The following AASS variants were observed in gnomAD, a reference collection of about 807,000 sequenced individuals.
AASS encodes the protein alpha-aminoadipic semialdehyde synthase, mitochondrial.
A neutral mutation model predicts 105.4 loss-of-function variants in AASS; 86 were observed. The ratio of observed to expected loss-of-function variants is 0.82; its 90% CI spans 0.69 to 0.98. The LOEUF is 0.98. Ranked by LOEUF, AASS falls within the 50% of genes least tolerant of loss-of-function variation. The pLI, the probability that AASS is intolerant of heterozygous loss-of-function variation, is 0.00. For synonymous variants in AASS, 381 were observed against 394.8 expected (o/e 0.96, Z 0.41); for missense variants, 1,048 against 1,143.2 (o/e 0.92, Z 1.20).
At chr7:122,142,596 T>TCTTACAATAGATGACAC (rs1796454541) in intron 1 of AASS, among the ~76,000 whole-genome samples, 2 of 152,198 alleles carry the variant, frequency 1.3e-5, no homozygotes, top group Non-Finnish European at 2.9e-5. Context: ...TAGGGATGCA[T>TCTTACAATAGATGACAC]CTTACAATAG....
rs533228582 is a variant in AASS at position 122,091,856 on chromosome 7, G to T, written c.1876-13C>A. On this transcript the variant is annotated splice_polypyrimidine_tract_variant and intron_variant, in intron 17 of 23. Coordinates refer to ENST00000417368, the MANE Select transcript of AASS (RefSeq NM_005763.4). Reference sequence around the variant, plus strand: ...TATATGATTCAATCTATAAATTAAAGAATCAATAAATAAGGAAGAATTCAC... The same window carrying T: ...TATATGATTCAATCTATAAATTAAATAATCAATAAATAAGGAAGAATTCAC... 2 of 1,561,274 alleles carry T rather than the reference G, an allele frequency of 1.3e-6. No individual in the cohort carries two copies. The highest frequency in any genetic ancestry group is 3.4e-5 in the Admixed American group (2 of 59,516).
rs756379287 is a variant in AASS at position 122,126,138 on chromosome 7, G to A, written c.472+237C>T. 5.1e-4 allele frequency among the ~76,000 whole-genome samples: 78 copies of A among 152,250 alleles called. No individual in the cohort carries two copies. In the Middle Eastern group the frequency reaches 0.01, roughly 20 times the overall value. On this transcript the variant is annotated intron_variant, in intron 4 of 23. Transcript: ENST00000417368. The stretch of plus-strand genomic sequence containing the variant: ...AGGAACTACCTAAAAATCAGAGCTT[G>A]TTTGTAGTTGTTATCCTTCTCCCTG...
chr7:122,085,999 T>C lies in AASS; in HGVS notation c.2184+13A>G, dbSNP rs1378310398. 6.2e-7 allele frequency: 1 copy of C among 1,613,318 alleles called. No homozygotes were observed. Among genetic ancestry groups the C allele is most frequent in the Admixed American group, 1.7e-5 (1 of 59,904 alleles). On this transcript the variant is annotated intron_variant, in intron 19 of 23. Transcript: ENST00000417368. ...AACTGGCAACATGTTGAATCTAAAG[T>C]CCAGCTGCTTACCTTATATCTCAGT...
intron 11 of AASS, among the ~76,000 whole-genome samples, chr7:122,103,824 TGGTGGGAGG>T (rs1794541058): frequency 6.6e-6 from 1 of 151,774 alleles, no homozygotes; most frequent in African/African-American, 2.4e-5. Flanking sequence ...ACACACACGC[TGGTGGGAGG>T]GTAGAATTCT....
Position 122,114,230 on chromosome 7 carries a change from T to G in AASS, c.1044-510A>C, listed in dbSNP as rs542329795. ...ACCAATGTAGAGCTAGACTGACACA[T>G]TCAGCACCCTAAATATGCTTTGGTA... On this transcript the variant is annotated intron_variant, in intron 9 of 23. Transcript: ENST00000417368. Among the ~76,000 whole-genome samples, 4 of 152,312 alleles carry G rather than the reference T, an allele frequency of 2.6e-5. No homozygotes were observed. In the East Asian group the frequency reaches 7.7e-4, roughly 29 times the overall value.
In AASS at chr7:122,090,911, C is replaced by T. The variant is rs189950166; in HGVS notation, c.2016+792G>A. Among the ~76,000 whole-genome samples the T allele has an allele frequency of 1.8e-4, 27 of 152,234 alleles. No individual in the cohort carries two copies. In the East Asian group the frequency reaches 4.1e-3, roughly 23 times the overall value. ...TTCAAGGCCAAGCACATCCTCTTCT[C>T]CACTAGTTTTTCTTTTCCCCATCCT... On this transcript the variant is annotated intron_variant, in intron 18 of 23. Coordinates refer to ENST00000417368, the MANE Select transcript of AASS (RefSeq NM_005763.4).
intron 2 of AASS, among the ~76,000 whole-genome samples, chr7:122,130,909 G>A (rs1795879888): frequency 6.6e-6 from 1 of 151,618 alleles, no homozygotes; most frequent in Non-Finnish European, 1.5e-5. Flanking sequence ...ATAGAGCAAT[G>A]TTCAAGATAT....
chr7:122,110,721 C>A (rs11771234), intron 11 of AASS, among the ~76,000 whole-genome samples: 22,462 of 151,278 alleles, frequency 0.15, 1,867 homozygotes, highest in South Asian at 0.28. Context: ...TGTTAATAAT[C>A]CTAAACAAGA....
intron 11 of AASS, among the ~76,000 whole-genome samples, chr7:122,111,372 A>G (rs2150532389): frequency 6.6e-6 from 1 of 152,322 alleles, no homozygotes; most frequent in African/African-American, 2.4e-5. Flanking sequence ...AGAGAATATG[A>G]AGACATTTTC....
chr7:122,118,400 G>A lies in AASS; in HGVS notation c.594C>T (p.Val198=). 1 of 1,614,126 alleles carries A rather than the reference G, an allele frequency of 6.2e-7. No individual in the cohort carries two copies. Among genetic ancestry groups the A allele is most frequent in the Non-Finnish European group, 8.5e-7 (1 of 1,180,022 alleles). ...AAGATATTTCATAGCCAGCATCACG[G>A]ACAGCTTGCACAGCCTGACTGCTAT... The part of the protein sequence containing the change: ...YRNSSQAVQA[V]RDAGYEISLG... Residue 198 remains valine, a synonymous_variant, in exon 6 of 24, where the codon GTC becomes GTT. Coordinates refer to ENST00000417368, the MANE Select transcript of AASS (RefSeq NM_005763.4).
intron 2 of AASS, among the ~76,000 whole-genome samples, chr7:122,130,502 A>G (rs1795860231): frequency 6.6e-6 from 1 of 152,022 alleles, no homozygotes; most frequent in African/African-American, 2.4e-5. Context: ...GAATTATCTC[A>G]TTTAAATTTC....
chr7:122,091,878 T>G, intron 17 of AASS, 35 bp from the exon 18 acceptor site: 2 of 1,450,688 alleles, frequency 1.4e-6, no homozygotes, highest in Non-Finnish European at 1.9e-6. Context: ...AAGGAAGAAT[T>G]CACAACTTAG....
At chr7:122,101,770 G>GA in intron 11 of AASS, 90 bp from the exon 12 acceptor site, 1 of 987,872 alleles carries the variant, frequency 1.0e-6, no homozygotes, top group Middle Eastern at 2.1e-4. Context: ...TTAATCAAGG[G>GA]AAAAAAATAA....
Position 122,129,488 on chromosome 7 carries a change from C to T in AASS, c.260G>A (p.Cys87Tyr). 2 of 1,613,472 alleles carry T rather than the reference C, an allele frequency of 1.2e-6. No homozygotes were observed. ...AGGTCTTTTAACTCCTAAAATTAGA[C>T]AAGCTTCAGAAATATCCTCCTGAAG... ...GILQEDISEA[C>Y]LILGVKRPPE... The change falls in exon 3 of 24, where the codon TGT (cysteine) becomes TAT (tyrosine). Residue 87 changes from cysteine to tyrosine, a missense_variant. Coordinates refer to ENST00000417368, the MANE Select transcript of AASS (RefSeq NM_005763.4).
At chr7:122,113,091 T>C (rs1482163345) in intron 11 of AASS, 27 bp downstream of exon 11, 4 of 1,545,054 alleles carry the variant, frequency 2.6e-6, no homozygotes, top group Non-Finnish European at 3.6e-6. Context: ...GCCACAGAGT[T>C]GTTACTGATA....
chr7:122,098,298 A>T, intron 15 of AASS, 152 bp downstream of exon 15: 1 of 737,506 alleles, frequency 1.4e-6, no homozygotes. Context: ...TCATTGAGCT[A>T]TATACTTATG....
chr7:122,120,690 T>C (rs1795399497), intron 4 of AASS, among the ~76,000 whole-genome samples: 1 of 152,034 alleles, frequency 6.6e-6, no homozygotes, highest in African/African-American at 2.4e-5. Context: ...AAGAATTAAA[T>C]GCTGTAAATT....
rs1257668587 is a variant in AASS, at chr7:122,143,506, C to T, written c.-16+655G>A. ...CCGCGCGAGCGCTCACAATGGGCTG[C>T]ATAGTCCCGCAGGGGCTGAAGAGTT... On this transcript the variant is annotated intron_variant, in intron 1 of 23. Transcript: ENST00000417368. 2.6e-5 allele frequency among the ~76,000 whole-genome samples: 4 copies of T among 151,332 alleles called. No homozygotes were observed. In the East Asian group the frequency reaches 7.8e-4, roughly 30 times the overall value.
intron 17 of AASS, 105 bp downstream of exon 17, chr7:122,092,738 C>A (rs1490706802): frequency 8.2e-6 from 8 of 981,326 alleles, no homozygotes; most frequent in South Asian, 6.9e-5. Flanking sequence ...AAAAAAAAAT[C>A]TTTAACTTTG....
Sources: allele counts gnomAD v4.1 joint callset (sites outside exome capture counted in the v4.1 genomes callset), GRCh38; gene constraint gnomAD v4.1.1; transcripts MANE v1.5; gene names NCBI Gene and HGNC (gene_info 2026-07-23, HGNC 2026-07-21).